The following SMYD3 variants were observed in gnomAD, a reference collection of about 807,000 sequenced individuals.
SMYD3 encodes the protein histone-lysine N-methyltransferase SMYD3.
In SMYD3, 36 loss-of-function variants were observed where a neutral mutation model predicts 57.7. That is an observed-to-expected ratio of 0.62 (90% CI 0.48 to 0.82). The LOEUF (loss-of-function observed/expected upper bound fraction) is 0.82, where lower values mean the gene tolerates loss of function less well. Among genes scored for constraint, SMYD3 ranks in the 40% least tolerant of loss-of-function variants. The pLI, the probability that SMYD3 is intolerant of heterozygous loss-of-function variation, is 0.00. For missense variants in SMYD3, 515 were observed against 538.8 expected (o/e 0.96, Z 0.44); for synonymous variants, 211 against 195.0 (o/e 1.08, Z -0.68).
intron 8 of SMYD3, among the ~76,000 whole-genome samples, chr1:245,893,715 G>A (rs1037431824): frequency 2.0e-5 from 3 of 151,544 alleles, no homozygotes; most frequent in South Asian, 4.2e-4. Context: ...AACGCAGTAC[G>A]AAGGAATTTG....
At chr1:246,077,350 T>C (rs1157851639) in intron 5 of SMYD3, among the ~76,000 whole-genome samples, 1 of 152,008 alleles carries the variant, frequency 6.6e-6, no homozygotes, top group Non-Finnish European at 1.5e-5. Context: ...TCCCACAAAA[T>C]CCAACCTCAG....
chr1:246,249,519 T>G (rs973065202), intron 5 of SMYD3, among the ~76,000 whole-genome samples: 12 of 97,284 alleles, frequency 1.2e-4, no homozygotes, highest in African/African-American at 4.4e-4. Flanking sequence ...CCTAGTTTTT[T>G]GTTTTTTTTG....
intron 11 of SMYD3, among the ~76,000 whole-genome samples, chr1:245,762,823 C>T (rs1044167034): frequency 1.3e-5 from 2 of 152,192 alleles, no homozygotes; most frequent in African/African-American, 4.8e-5. Flanking sequence ...CTGGACACGC[C>T]CTGAGCAACC....
intron 1 of SMYD3, among the ~76,000 whole-genome samples, chr1:246,460,176 C>A (rs1353537590): frequency 3.3e-5 from 5 of 152,198 alleles, no homozygotes; most frequent in Admixed American, 2.0e-4. Flanking sequence ...AGTGCTTTAC[C>A]TCGACTGCCT....
rs181915512 is a variant in SMYD3 at position 246,276,044 on chromosome 1, C to T, written c.531+51157G>A. On this transcript the variant is annotated intron_variant, in intron 5 of 11. Transcript: ENST00000490107. ...CTGTTTTTCACTAGTCGTATTAACA[C>T]TGGCAGGTTATTTAATGTCTGTAGT... 1.8e-3 allele frequency among the ~76,000 whole-genome samples: 225 copies of T among 122,532 alleles called. 16 individuals are homozygous for T. Among genetic ancestry groups the T allele is most frequent in the African/African-American group, 6.2e-3 (218 of 35,338 alleles). 80.4% of individuals were successfully genotyped at this position (122,532 alleles called of 152,430 possible).
chr1:246,145,780 T>C lies in SMYD3; in HGVS notation c.531+181421A>G, dbSNP rs528169407. ...AACCATCCATGTAGACTGCTAAGCATAATGCCTGGCACAAACTAAGTGGTC... is the reference window on the plus strand; with the variant it reads ...AACCATCCATGTAGACTGCTAAGCACAATGCCTGGCACAAACTAAGTGGTC... On this transcript the variant is annotated intron_variant, in intron 5 of 11. Transcript: ENST00000490107. Among the ~76,000 whole-genome samples the C allele has an allele frequency of 5.6e-4, 85 of 152,344 alleles. 1 individual carries two copies. The highest frequency in any genetic ancestry group is 2.0e-3 in the African/African-American group (83 of 41,588).
intron 8 of SMYD3, among the ~76,000 whole-genome samples, chr1:245,879,321 T>C (rs2052649262): frequency 6.6e-6 from 1 of 152,246 alleles, no homozygotes; most frequent in Admixed American, 6.5e-5. Context: ...TGAGATAATA[T>C]GCAAAGTGCT....
At chr1:245,806,633 G>A (rs146410699) in intron 10 of SMYD3, among the ~76,000 whole-genome samples, 2,175 of 152,240 alleles carry the variant, frequency 0.014, 26 homozygotes, top group Middle Eastern at 0.027. Context: ...GGAGAAGGCC[G>A]GGCGCGGTGG....
At chr1:245,948,209 TCCACAAAGAAGAATCGAAACAGCAGGA>T (rs1172258328) in intron 5 of SMYD3, among the ~76,000 whole-genome samples, 1 of 151,990 alleles carries the variant, frequency 6.6e-6, no homozygotes, top group Non-Finnish European at 1.5e-5. Context: ...ACTTGCTTCC[TCCACAAAGAAGAATCGAAACAGCAGGA>T]CGGAATCGCA....
At chr1:246,040,677 C>A (rs767394696) in intron 5 of SMYD3, among the ~76,000 whole-genome samples, 1 of 152,200 alleles carries the variant, frequency 6.6e-6, no homozygotes, top group African/African-American at 2.4e-5. Flanking sequence ...ATGGGGCTCC[C>A]GTATCTCCTT....
At chr1:246,031,979 T>C (rs1218920958) in intron 5 of SMYD3, among the ~76,000 whole-genome samples, 1 of 152,152 alleles carries the variant, frequency 6.6e-6, no homozygotes, top group Non-Finnish European at 1.5e-5. Context: ...ACAGAGACTC[T>C]AAAGTTACGT....
chr1:245,889,585 C>T (rs1014250564), intron 8 of SMYD3, among the ~76,000 whole-genome samples: 1 of 152,162 alleles, frequency 6.6e-6, no homozygotes. Flanking sequence ...GTCTCTGTCC[C>T]AAGGCATTTT....
At chr1:246,383,941 T>C (rs2066428953) in intron 1 of SMYD3, among the ~76,000 whole-genome samples, 2 of 152,262 alleles carry the variant, frequency 1.3e-5, no homozygotes, top group South Asian at 2.1e-4. Flanking sequence ...GAAACATTTA[T>C]AGTCAAGGGA....
At chr1:246,359,668 T>G (rs1455435202) in intron 1 of SMYD3, among the ~76,000 whole-genome samples, 1 of 151,858 alleles carries the variant, frequency 6.6e-6, no homozygotes, top group Non-Finnish European at 1.5e-5. Flanking sequence ...CATCCATAAC[T>G]CAAATGTGAT....
At chr1:246,032,607 C>T (rs2059698030) in intron 5 of SMYD3, among the ~76,000 whole-genome samples, 1 of 152,120 alleles carries the variant, frequency 6.6e-6, no homozygotes, top group Admixed American at 6.5e-5. Flanking sequence ...TGCTAGGAAT[C>T]CTAATTTGAT....
intron 1 of SMYD3, among the ~76,000 whole-genome samples, chr1:246,376,521 G>T (rs1162912248): frequency 1.4e-5 from 2 of 146,116 alleles, no homozygotes. Context: ...AACCCAGGAG[G>T]CAAAGGTTGC....
intron 5 of SMYD3, among the ~76,000 whole-genome samples, chr1:246,293,499 A>G (rs2064735518): frequency 6.6e-6 from 1 of 152,190 alleles, no homozygotes; most frequent in African/African-American, 2.4e-5. Flanking sequence ...CACGCACATT[A>G]GCATTCACCC....
chr1:245,873,854 C>T (rs918234423), intron 8 of SMYD3, among the ~76,000 whole-genome samples: 3 of 152,274 alleles, frequency 2.0e-5, no homozygotes, highest in South Asian at 2.1e-4. Flanking sequence ...CTAAGGAGGC[C>T]GGGCCCTGGT....
chr1:246,111,717 C>T (rs1472705167), intron 5 of SMYD3, among the ~76,000 whole-genome samples: 1 of 152,192 alleles, frequency 6.6e-6, no homozygotes, highest in Admixed American at 6.5e-5. Flanking sequence ...CAGCAGTCTG[C>T]TAGTTTATGT....
Sources: allele counts gnomAD v4.1 joint callset (sites outside exome capture counted in the v4.1 genomes callset), GRCh38; gene constraint gnomAD v4.1.1; transcripts MANE v1.5; gene names NCBI Gene and HGNC (gene_info 2026-07-23, HGNC 2026-07-21).